Variants in NEURL1 observed in about 807,000 individuals in gnomAD.
NEURL1 encodes the protein E3 ubiquitin-protein ligase NEURL1.
NEURL1 carries 26 observed loss-of-function variants against 41.2 expected under a neutral mutation model. That is an observed-to-expected ratio of 0.63 (90% CI 0.46 to 0.87). The LOEUF is 0.87. NEURL1 is among the 40% of genes least tolerant of loss of function. The probability of loss-of-function intolerance (pLI) is 0.00; values close to 1 mark genes in which losing one functional copy is unlikely to be tolerated. For missense variants in NEURL1, 761 were observed against 871.1 expected, an observed-to-expected ratio of 0.87 and a Z score of 1.59; for synonymous variants, 400 against 402.3, an observed-to-expected ratio of 0.99 and a Z score of 0.07.
chr10:103,587,658 G>A (rs1016373744), intron 4 of NEURL1, among the ~76,000 whole-genome samples: 6 of 152,202 alleles, frequency 3.9e-5, no homozygotes, highest in Non-Finnish European at 7.3e-5. Context: ...AAAACATACA[G>A]CCAGTTCCAT....
At position 103,563,478 on chromosome 10, in the gene NEURL1, T is replaced by C. The variant is rs545421917; in HGVS notation, c.86-7394T>C. Among the ~76,000 whole-genome samples the C allele has an allele frequency of 2.0e-5, 3 of 152,216 alleles. No homozygotes were observed. In the South Asian group the frequency reaches 6.2e-4, roughly 32 times the overall value. ...CACCGCCCAGAAAGTGAGACGAGAC[T>C]GTCTCTTGGATGAAGATGATGATGC... On this transcript the variant is annotated intron_variant, in intron 1 of 5. Coordinates refer to ENST00000369780, the MANE Select transcript of NEURL1 (RefSeq NM_004210.5).
Position 103,566,983 on chromosome 10 carries a change from T to A in NEURL1, c.86-3889T>A, listed in dbSNP as rs1278793815. ...AAACTTTGTTTCTTTTCTTTCTTTC[T>A]TTTTTTTTTTTTTGTTTGAGACAGA... is the stretch of plus-strand genomic sequence containing the variant. On this transcript the variant is annotated intron_variant, in intron 1 of 5. Transcript: ENST00000369780. The surrounding 1 kb of genome is among the most constrained non-coding windows in gnomAD (Gnocchi z 4.2). Among the ~76,000 whole-genome samples the A allele has an allele frequency of 7.4e-6, 1 of 134,778 alleles. No individual in the cohort carries two copies. Among genetic ancestry groups the A allele is most frequent in the Non-Finnish European group, 1.6e-5 (1 of 64,260 alleles). The allele number at this position is 134,778 out of a possible 152,430, so 88.4% of individuals were successfully genotyped here.
intron 2 of NEURL1, 41 bp downstream of exon 2, chr10:103,571,154 T>G: frequency 6.3e-7 from 1 of 1,590,464 alleles, no homozygotes; most frequent in Non-Finnish European, 8.6e-7. Context: ...TCCTGCTTCC[T>G]GCTCCCCTCA....
chr10:103,544,332 C>T (rs2034883579), intron 1 of NEURL1, among the ~76,000 whole-genome samples: 1 of 152,302 alleles, frequency 6.6e-6, no homozygotes, highest in Non-Finnish European at 1.5e-5. Context: ...GAAGCAGTCA[C>T]TTCCAGTGAA....
chr10:103,527,110 G>A (rs2034476531), intron 1 of NEURL1, among the ~76,000 whole-genome samples: 1 of 152,042 alleles, frequency 6.6e-6, no homozygotes, highest in South Asian at 2.1e-4. Context: ...ACAATGCCTG[G>A]AACTGAGAGT....
At chr10:103,517,892 G>C (rs1231873651) in intron 1 of NEURL1, among the ~76,000 whole-genome samples, 1 of 152,204 alleles carries the variant, frequency 6.6e-6, no homozygotes, top group Non-Finnish European at 1.5e-5. Context: ...CCATCTCCCT[G>C]GCTCTGCTCC....
At chr10:103,565,608 C>T (rs72848990) in intron 1 of NEURL1, among the ~76,000 whole-genome samples, 211 of 152,254 alleles carry the variant, frequency 1.4e-3, no homozygotes, top group South Asian at 3.3e-3. Flanking sequence ...CTCTTCTCTC[C>T]GTCTGAATGA....
chr10:103,585,122 C>T lies in NEURL1; in HGVS notation c.1236C>T (p.Ser412=), dbSNP rs1346369359. ...VVNADGELHL[S]HNGAAAGMQL... is the part of the protein sequence containing the mutation. ...ACGCCGACGGCGAGCTGCACCTCAG[C>T]CACAATGGCGCGGCCGCCGGCATGC... Residue 412 remains serine, a synonymous_variant, in exon 4 of 6, where the codon AGC becomes AGT. Transcript: ENST00000369780. The T allele has an allele frequency of 6.3e-7, 1 of 1,591,260 alleles. No homozygotes were observed. The highest frequency in any genetic ancestry group is 2.2e-5 in the East Asian group (1 of 44,472).
intron 1 of NEURL1, among the ~76,000 whole-genome samples, chr10:103,525,769 CTT>C (rs1431254765): frequency 1.3e-5 from 2 of 152,196 alleles, no homozygotes; most frequent in Non-Finnish European, 2.9e-5. Context: ...CTGGCTAGTA[CTT>C]CCACTACTGT....
At position 103,590,504 on chromosome 10, in the gene NEURL1, C is replaced by CT; in HGVS notation, c.*133dup. On this transcript the variant is annotated 3_prime_UTR_variant, in exon 6 of 6. Transcript: ENST00000369780. ...TTCCTCCTCTATTAAACATGGGAAACTGAAGCCCTTGAAGGTTTGGGGAGA... is the reference window on the plus strand; with the variant it reads ...TTCCTCCTCTATTAAACATGGGAAACTTGAAGCCCTTGAAGGTTTGGGGAGA... 1.4e-6 allele frequency: 1 copy of CT among 700,282 alleles called. No homozygotes were observed. The highest frequency in any genetic ancestry group is 2.7e-5 in the East Asian group (1 of 36,992). 43.4% of individuals were successfully genotyped at this position (700,282 alleles called of 1,614,324 possible).
chr10:103,499,683 G>A (rs2033775175), intron 1 of NEURL1, among the ~76,000 whole-genome samples: 1 of 151,856 alleles, frequency 6.6e-6, no homozygotes, highest in Non-Finnish European at 1.5e-5. Flanking sequence ...TGCCCAGGAT[G>A]GTCTGGAACT....
intron 1 of NEURL1, among the ~76,000 whole-genome samples, chr10:103,537,971 GT>G (rs1486557554): frequency 2.0e-5 from 3 of 152,106 alleles, no homozygotes; most frequent in Non-Finnish European, 2.9e-5. Context: ...TTAGTTTACA[GT>G]TTTTAGAGTT....
At chr10:103,529,404 T>A (rs2034525839) in intron 1 of NEURL1, among the ~76,000 whole-genome samples, 1 of 152,198 alleles carries the variant, frequency 6.6e-6, no homozygotes, top group African/African-American at 2.4e-5. Flanking sequence ...CTCCTAAGCC[T>A]GCCAGAAAAT....
chr10:103,553,137 A>C (rs1028671600), intron 1 of NEURL1, among the ~76,000 whole-genome samples: 3 of 152,122 alleles, frequency 2.0e-5, no homozygotes, highest in Non-Finnish European at 4.4e-5. Context: ...CTGCTACAGG[A>C]ACAGCCTCCA....
At chr10:103,540,440 C>T (rs1414859761) in intron 1 of NEURL1, among the ~76,000 whole-genome samples, 2 of 148,576 alleles carry the variant, frequency 1.3e-5, no homozygotes, top group Admixed American at 1.4e-4. Context: ...TAGCCGTGTG[C>T]CACCACACCT....
At position 103,494,321 on chromosome 10, in the gene NEURL1, C is replaced by G. The variant is rs530920828; in HGVS notation, c.-67C>G. 10 of 1,389,300 alleles carry G rather than the reference C, an allele frequency of 7.2e-6. No homozygotes were observed. The highest frequency in any genetic ancestry group is 6.9e-6 in the Non-Finnish European group (7 of 1,009,884). The allele number at this position is 1,389,300 out of a possible 1,614,324, so 86.1% of individuals were successfully genotyped here. A position where few individuals can be genotyped will look rare whatever the true frequency, so the allele number is the denominator to read the frequency against. On this transcript the variant is annotated 5_prime_UTR_variant, in exon 1 of 6. Coordinates refer to ENST00000369780, the MANE Select transcript of NEURL1 (RefSeq NM_004210.5). ...GCACCCGCGCGCGCACACTCGCACA[C>G]CGCACCTCAGCGCCTGCCCGGCCTC...
rs1487109091 is a variant in NEURL1 at position 103,585,080 on chromosome 10, C to G, written c.1194C>G (p.Ile398Met). Residue 398 changes from isoleucine to methionine, a missense_variant, in exon 4 of 6, where the codon ATC becomes ATG. Transcript: ENST00000369780. ...CCGGGCCCCTGCACAGCGGCGACAT[C>G]CTGGGCCTGGTGGTCAACGCCGACG... is the stretch of plus-strand genomic sequence containing the variant. ...RVPGPLHSGD[I>M]LGLVVNADGE... is the part of the protein sequence containing the mutation. The G allele has an allele frequency of 6.3e-7, 1 of 1,590,764 alleles. No homozygotes were observed. Among genetic ancestry groups the G allele is most frequent in the African/African-American group, 1.3e-5 (1 of 74,892 alleles).
intron 3 of NEURL1, among the ~76,000 whole-genome samples, 181 bp downstream of exon 3, chr10:103,572,003 C>G (rs984057076): frequency 6.6e-6 from 1 of 152,192 alleles, no homozygotes; most frequent in Non-Finnish European, 1.5e-5. Context: ...CCTCCAGGCC[C>G]GTGGCTTTGC....
At chr10:103,516,770 GA>G (rs1319480609) in intron 1 of NEURL1, among the ~76,000 whole-genome samples, 4 of 152,168 alleles carry the variant, frequency 2.6e-5, no homozygotes, top group Non-Finnish European at 4.4e-5. Flanking sequence ...CTCCTCAGGG[GA>G]CCTGGAATAA....
Sources: allele counts gnomAD v4.1 joint callset (sites outside exome capture counted in the v4.1 genomes callset), GRCh38; gene constraint gnomAD v4.1.1; non-coding constraint Gnocchi (gnomAD v3.1); transcripts MANE v1.5; gene names NCBI Gene and HGNC (gene_info 2026-07-23, HGNC 2026-07-21).